DCDC2: variants seen among roughly 807,000 people sequenced by gnomAD.
DCDC2 encodes doublecortin domain containing 2, also known as doublecortin domain-containing protein 2.
Under a neutral mutation model 50.2 loss-of-function variants are expected in DCDC2, and 40 were observed. The ratio of observed to expected loss-of-function variants is 0.80; its 90% confidence interval spans 0.62 to 1.04. DCDC2 has a LOEUF of 1.04. Among genes scored for constraint, DCDC2 ranks in the 50% least tolerant of loss-of-function variants. The probability of loss-of-function intolerance (pLI) is 0.00; values close to 1 mark genes in which losing one functional copy is unlikely to be tolerated. For synonymous variants in DCDC2, 234 were observed against 210.6 expected (o/e 1.11, Z -0.96); for missense variants, 570 against 581.9 (o/e 0.98, Z 0.21).
At chr6:24,370,431 G>C in the DCDC2 span, among the ~76,000 whole-genome samples, 1 of 152,158 alleles carries the variant, frequency 6.6e-6, no homozygotes, top group Non-Finnish European at 1.5e-5. Flanking sequence ...ATACAGGCCA[G>C]GCACAGTGGC....
At chr6:24,306,200 C>T (rs954369058) in intron 2 of DCDC2, among the ~76,000 whole-genome samples, 3 of 152,024 alleles carry the variant, frequency 2.0e-5, no homozygotes, top group African/African-American at 4.8e-5. Flanking sequence ...GACTGACCAG[C>T]GTGTAATCTG....
chr6:24,320,627 C>T (rs1391844999), intron 2 of DCDC2, among the ~76,000 whole-genome samples: 1 of 152,112 alleles, frequency 6.6e-6, no homozygotes, highest in Non-Finnish European at 1.5e-5. Context: ...CCACCACACT[C>T]GGCTACAAAC....
At chr6:24,287,982 G>C (rs1763649234) in intron 6 of DCDC2, among the ~76,000 whole-genome samples, 2 of 152,062 alleles carry the variant, frequency 1.3e-5, no homozygotes, top group Non-Finnish European at 1.5e-5. Context: ...GTTATGCTGA[G>C]TTCGGCACTA....
intron 7 of DCDC2, among the ~76,000 whole-genome samples, chr6:24,220,038 CAA>C (rs1409594877): frequency 6.6e-6 from 1 of 152,298 alleles, no homozygotes; most frequent in East Asian, 1.9e-4. Context: ...CTGAAAATGA[CAA>C]AAGAGAAGGA....
intron 2 of DCDC2, among the ~76,000 whole-genome samples, chr6:24,341,945 C>G (rs9460997): frequency 0.028 from 894 of 31,692 alleles, 6 homozygotes; most frequent in African/African-American, 0.08. Flanking sequence ...TGTGTGCACG[C>G]GTACACACAC....
intron 2 of DCDC2, among the ~76,000 whole-genome samples, chr6:24,325,601 C>A (rs895756333): frequency 6.7e-6 from 1 of 149,378 alleles, no homozygotes; most frequent in Non-Finnish European, 1.5e-5. Flanking sequence ...CAGAATTTTT[C>A]AGCAAACATA....
chr6:24,308,435 A>T (rs534935312), intron 2 of DCDC2, among the ~76,000 whole-genome samples: 3 of 152,326 alleles, frequency 2.0e-5, no homozygotes, highest in African/African-American at 4.8e-5. Flanking sequence ...CTAGCAGCCC[A>T]ATAGAAGAAG....
intron 7 of DCDC2, among the ~76,000 whole-genome samples, chr6:24,230,950 C>T (rs1471409571): frequency 1.3e-5 from 2 of 152,216 alleles, no homozygotes; most frequent in African/African-American, 4.8e-5. Context: ...ATAGGCCATG[C>T]TCCACTCAAT....
intron 4 of DCDC2, among the ~76,000 whole-genome samples, chr6:24,299,325 T>G (rs772953113): frequency 1.3e-5 from 2 of 152,188 alleles, no homozygotes; most frequent in African/African-American, 2.4e-5. Flanking sequence ...CAGTAGATAC[T>G]GTTGACTGCT....
chr6:24,359,309 TTATA>T (rs1760596856), upstream of DCDC2, among the ~76,000 whole-genome samples: 1 of 42,390 alleles, frequency 2.4e-5, no homozygotes, highest in South Asian at 5.2e-4. Flanking sequence ...TTTATATATA[TTATA>T]TATTTTATAT....
intron 7 of DCDC2, among the ~76,000 whole-genome samples, chr6:24,230,642 TCAAAACAAAA>T (rs142557687): frequency 6.6e-6 from 1 of 151,908 alleles, no homozygotes; most frequent in Non-Finnish European, 1.5e-5. Flanking sequence ...ATACTCTGTC[TCAAAACAAAA>T]CAAAACAAAA....
At chr6:24,299,526 T>C (rs62400417) in intron 4 of DCDC2, among the ~76,000 whole-genome samples, 16,698 of 152,098 alleles carry the variant, frequency 0.11, 1,154 homozygotes, top group East Asian at 0.17. Context: ...AAAAATTAAG[T>C]TGGGAACACT....
chr6:24,358,575 C>T (rs1316017400), upstream of DCDC2, among the ~76,000 whole-genome samples: 1 of 141,542 alleles, frequency 7.1e-6, no homozygotes, highest in African/African-American at 2.7e-5. Flanking sequence ...CCAGCTATCT[C>T]GGAGGCTGAG....
In DCDC2 at chr6:24,217,564, C is replaced by T. The variant is rs990409522; in HGVS notation, c.923-12462G>A. Among the ~76,000 whole-genome samples, 6 of 152,148 alleles carry T rather than the reference C, an allele frequency of 3.9e-5. No individual in the cohort carries two copies. The East Asian group carries it at 9.6e-4, about 24-fold the overall frequency. On this transcript the variant is annotated intron_variant, in intron 7 of 9. Coordinates refer to ENST00000378454, the MANE Select transcript of DCDC2 (RefSeq NM_016356.5). ...TGCAAATCAGTGCAAATCAGTCATC[C>T]TGAATAAAGGGATTGGATTTTTTTC...
Position 24,178,526 on chromosome 6 carries a change from C to G in DCDC2, c.1130G>C (p.Gly377Ala). The G allele has an allele frequency of 6.2e-7, 1 of 1,614,196 alleles. No individual in the cohort carries two copies. Among genetic ancestry groups the G allele is most frequent in the Non-Finnish European group, 8.5e-7 (1 of 1,180,036 alleles). ...AGGGGCATCTGTAGCCTCCCTACCT[C>G]CTTCCTCTTCAAGGTCACCATTCAT... Reference protein sequence around the residue: ...SGMNGDLEEEGGREATDAPEQ... With the variant: ...SGMNGDLEEEAGREATDAPEQ... The change falls in exon 9 of 10, where the codon GGA becomes GCA. Residue 377 changes from glycine (G) to alanine (A), a missense_variant. Physicochemically the swap from Gly to Ala is moderately conservative, Grantham distance 60. Coordinates refer to ENST00000378454, the MANE Select transcript of DCDC2 (RefSeq NM_016356.5).
chr6:24,371,233 C>T, the DCDC2 span, among the ~76,000 whole-genome samples: 4 of 147,924 alleles, frequency 2.7e-5, no homozygotes, highest in Admixed American at 2.7e-4. Context: ...GCCGAGATCG[C>T]GCCATTGCAC....
intron 7 of DCDC2, among the ~76,000 whole-genome samples, chr6:24,215,772 G>A (rs561510588): frequency 6.6e-6 from 1 of 152,352 alleles, no homozygotes; most frequent in South Asian, 2.1e-4. Flanking sequence ...TCCCGGCTGA[G>A]GGGGCGGCAC....
intron 8 of DCDC2, among the ~76,000 whole-genome samples, chr6:24,185,712 C>T (rs1418805776): frequency 1.4e-5 from 2 of 147,058 alleles, no homozygotes; most frequent in African/African-American, 5.2e-5. Context: ...CACACACACA[C>T]ACACACACAC....
intron 2 of DCDC2, among the ~76,000 whole-genome samples, chr6:24,302,294 G>A (rs199670493): frequency 1.0e-3 from 145 of 138,618 alleles, no homozygotes; most frequent in South Asian, 2.6e-3. Context: ...ATGATCTGTG[G>A]AAAAAAAAAA....
Sources: allele counts gnomAD v4.1 joint callset (sites outside exome capture counted in the v4.1 genomes callset), GRCh38; gene constraint gnomAD v4.1.1; transcripts MANE v1.5; gene names NCBI Gene and HGNC (gene_info 2026-07-23, HGNC 2026-07-21).